Variants in TRAPPC10 observed in about 807,000 individuals in gnomAD.
TRAPPC10 encodes the protein trafficking protein particle complex subunit 10.
In TRAPPC10, 23 loss-of-function variants were observed where a neutral mutation model predicts 125.5. The observed-to-expected ratio is 0.18, with a 90% CI of 0.13 to 0.26. TRAPPC10 has a LOEUF of 0.26. Ranked by LOEUF, TRAPPC10 falls within the 10% of genes least tolerant of loss-of-function variation. The pLI, the probability that TRAPPC10 is intolerant of heterozygous loss-of-function variation, is 1.00. For synonymous variants in TRAPPC10, 509 were observed against 518.0 expected (o/e 0.98, Z 0.24); for missense variants, 1,123 against 1,308.4 (o/e 0.86, Z 2.19).
intron 5 of TRAPPC10, among the ~76,000 whole-genome samples, chr21:44,057,330 GCT>G (rs1256226776): frequency 4.6e-5 from 7 of 150,716 alleles, no homozygotes; most frequent in African/African-American, 1.7e-4. Flanking sequence ...ATGGAGTCTT[GCT>G]CTGTCACCAA....
Position 44,065,677 on chromosome 21 carries a change from C to T in TRAPPC10, c.1038+1892C>T, listed in dbSNP as rs140542154. Among the ~76,000 whole-genome samples the T allele has an allele frequency of 3.0e-3, 460 of 152,278 alleles. 5 individuals carry two copies. Among genetic ancestry groups the T allele is most frequent in the African/African-American group, 0.01 (424 of 41,544 alleles). ...ACAGCTGGCTGCGCCTCCTTACATGCGCTGTGCCTGTCGGCTTCCCAGGCC... is the reference window on the plus strand; with the variant it reads ...ACAGCTGGCTGCGCCTCCTTACATGTGCTGTGCCTGTCGGCTTCCCAGGCC... On this transcript the variant is annotated intron_variant, in intron 7 of 22. Coordinates refer to ENST00000291574, the MANE Select transcript of TRAPPC10 (RefSeq NM_003274.5).
rs2037230300 is a variant in TRAPPC10 at position 44,075,742 on chromosome 21, TC to T, written c.1300+592del. Among the ~76,000 whole-genome samples, 7 of 152,280 alleles carry T rather than the reference TC, an allele frequency of 4.6e-5. No homozygotes were observed. In the South Asian group the frequency reaches 1.4e-3, roughly 32 times the overall value. On this transcript the variant is annotated intron_variant, in intron 9 of 22. Coordinates refer to ENST00000291574, the MANE Select transcript of TRAPPC10 (RefSeq NM_003274.5). Reference sequence around the variant, plus strand: ...CTAAAGTGATCCTCCTGCCCTGGCCTCCCAGCAAATTTTTTAAAATAAATTG... The same window carrying T: ...CTAAAGTGATCCTCCTGCCCTGGCCTCCAGCAAATTTTTTAAAATAAATTG...
rs758948147 is a variant in TRAPPC10, at chr21:44,052,388, G to T, written c.394G>T (p.Ala132Ser). The stretch of plus-strand genomic sequence containing the variant: ...GTTAATAGTGATAGTTGAAAATGAT[G>T]CCAAGAAAAAAAACAAAACCAACAT... ...DWLIVIVEND[A>S]KKKNKTNILP... Residue 132 changes from alanine to serine, a missense_variant, in exon 4 of 23, where the codon GCC becomes TCC. Ala to Ser is a moderately conservative substitution (Grantham distance 99, BLOSUM62 1). Around this residue, in one of 4 missense-constraint regions of TRAPPC10, gnomAD observed 177 missense variants for 228.9 expected, o/e 0.77. Coordinates refer to ENST00000291574, the MANE Select transcript of TRAPPC10 (RefSeq NM_003274.5). The T allele has an allele frequency of 3.1e-6, 5 of 1,613,770 alleles. No homozygotes were observed. Among genetic ancestry groups the T allele is most frequent in the Admixed American group, 3.3e-5 (2 of 59,966 alleles).
intron 1 of TRAPPC10, among the ~76,000 whole-genome samples, chr21:44,022,069 A>AT (rs530192098): frequency 4.8e-3 from 411 of 86,020 alleles, no homozygotes; most frequent in Non-Finnish European, 8.2e-3. Context: ...CTTTCATGGT[A>AT]TTTTTTAATT....
At chr21:44,038,210 T>C (rs963324380) in intron 3 of TRAPPC10, among the ~76,000 whole-genome samples, 12 of 152,344 alleles carry the variant, frequency 7.9e-5, no homozygotes, top group South Asian at 6.2e-4. Flanking sequence ...GTGCGGGACT[T>C]GCTGTTGCGT....
chr21:44,053,983 T>C (rs1173600220), intron 4 of TRAPPC10, among the ~76,000 whole-genome samples: 2 of 152,352 alleles, frequency 1.3e-5, no homozygotes, highest in East Asian at 3.9e-4. Flanking sequence ...GTGTATCTGA[T>C]TGACCTCTGA....
chr21:44,072,478 G>T (rs542466279), intron 7 of TRAPPC10, among the ~76,000 whole-genome samples: 4 of 152,220 alleles, frequency 2.6e-5, no homozygotes, highest in African/African-American at 9.6e-5. Flanking sequence ...TTGTTTGTTT[G>T]TTTGTTTTGT....
chr21:44,016,880 G>A lies in TRAPPC10; in HGVS notation c.67+4320G>A, dbSNP rs1030341929. 7.2e-5 allele frequency among the ~76,000 whole-genome samples: 11 copies of A among 152,168 alleles called. No homozygotes were observed. In the East Asian group the frequency reaches 1.2e-3, roughly 16 times the overall value. On this transcript the variant is annotated intron_variant, in intron 1 of 22. Transcript: ENST00000291574. ...TCACCGTGTCAGCCAGGATGGTCTT[G>A]ATCTGACCTTGTGATCTGCCCGCCT...
At chr21:44,085,401 A>G (rs2838486) in intron 15 of TRAPPC10, among the ~76,000 whole-genome samples, 51,217 of 152,052 alleles carry the variant, frequency 0.34, 11,248 homozygotes, top group African/African-American at 0.63. Context: ...AGTACGTTTC[A>G]AATGCTAAAC....
intron 3 of TRAPPC10, among the ~76,000 whole-genome samples, chr21:44,050,256 C>T (rs1050018810): frequency 1.3e-5 from 2 of 151,160 alleles, no homozygotes; most frequent in African/African-American, 4.9e-5. Context: ...CTTCTCTGTA[C>T]TCCCTCTGTC....
At chr21:44,076,449 A>C (rs754156076) in intron 9 of TRAPPC10, 103 bp from the exon 10 acceptor site, 11 of 845,298 alleles carry the variant, frequency 1.3e-5, no homozygotes, top group Non-Finnish European at 2.0e-5. Context: ...ATTTCACAAG[A>C]GTCAGATGAG....
At chr21:44,036,568 G>T (rs1478934297) in intron 2 of TRAPPC10, among the ~76,000 whole-genome samples, 1 of 152,164 alleles carries the variant, frequency 6.6e-6, no homozygotes, top group Non-Finnish European at 1.5e-5. Flanking sequence ...TTCACTGCTT[G>T]TCATGATACG....
At chr21:44,046,997 T>C in intron 3 of TRAPPC10, 1 of 791,614 alleles carries the variant, frequency 1.3e-6, no homozygotes, top group South Asian at 1.4e-5. Context: ...AAACCGCCTT[T>C]GTCTTGGCCT....
intron 1 of TRAPPC10, among the ~76,000 whole-genome samples, chr21:44,031,120 C>G (rs1347497422): frequency 1.3e-5 from 2 of 152,178 alleles, no homozygotes; most frequent in Non-Finnish European, 2.9e-5. Context: ...AATGTCATTA[C>G]CCTTCCTCAG....
intron 9 of TRAPPC10, 67 bp downstream of exon 9, chr21:44,075,220 G>A: frequency 8.1e-7 from 1 of 1,232,488 alleles, no homozygotes; most frequent in Non-Finnish European, 1.2e-6. Context: ...TTTGCAAGTT[G>A]GCACATTTAA....
At chr21:44,056,901 T>C (rs1274502451) in intron 5 of TRAPPC10, among the ~76,000 whole-genome samples, 1 of 152,176 alleles carries the variant, frequency 6.6e-6, no homozygotes, top group Non-Finnish European at 1.5e-5. Context: ...TCATATAAGA[T>C]GGCAATGTTT....
At chr21:44,057,369 G>A (rs958138652) in intron 5 of TRAPPC10, among the ~76,000 whole-genome samples, 12 of 151,472 alleles carry the variant, frequency 7.9e-5, no homozygotes, top group Admixed American at 3.9e-4. Flanking sequence ...GTGCGATCTC[G>A]GCTCACTGCA....
intron 3 of TRAPPC10, among the ~76,000 whole-genome samples, chr21:44,047,646 G>T (rs989627321): frequency 6.6e-6 from 1 of 151,516 alleles, no homozygotes; most frequent in African/African-American, 2.4e-5. Flanking sequence ...CTTTTTCTTG[G>T]TGTTTCATTT....
At chr21:44,037,296 CTATTT>C (rs1334547596) in intron 2 of TRAPPC10, among the ~76,000 whole-genome samples, 1 of 152,174 alleles carries the variant, frequency 6.6e-6, no homozygotes, top group African/African-American at 2.4e-5. Flanking sequence ...GTTTGTCCTG[CTATTT>C]TATTTGTGCT....
Sources: gnomAD v4.1 joint callset for allele counts (sites outside exome capture counted in the v4.1 genomes callset) on GRCh38, gnomAD v4.1.1 for gene constraint, gnomAD v4.1.1 regional missense constraint, MANE v1.5 for transcripts, NCBI Gene and HGNC (gene_info 2026-07-23, HGNC 2026-07-21) for gene names.